The following CLEC16A variants were observed in gnomAD, a reference collection of about 807,000 sequenced individuals.
CLEC16A encodes the protein protein CLEC16A.
In CLEC16A, 51 loss-of-function variants were observed where a neutral mutation model predicts 109.5. That is an observed-to-expected ratio of 0.47 (90% confidence interval 0.37 to 0.59). CLEC16A has a LOEUF of 0.59. Among genes scored for constraint, CLEC16A ranks in the 20% least tolerant of loss-of-function variants. The pLI is 0.00. For synonymous variants in CLEC16A, 673 were observed against 564.2 expected, an observed-to-expected ratio of 1.19 and a Z score of -2.73; for missense variants, 1,339 against 1,394.0, an observed-to-expected ratio of 0.96 and a Z score of 0.63.
At chr16:10,964,028 G>C (rs2146147380) in intron 3 of CLEC16A, among the ~76,000 whole-genome samples, 1 of 152,376 alleles carries the variant, frequency 6.6e-6, no homozygotes, top group East Asian at 1.9e-4. Context: ...CTGCCCGCCA[G>C]AAGTGGGGGA....
chr16:10,985,216 A>ATAT (rs1320649141), intron 10 of CLEC16A, among the ~76,000 whole-genome samples: 63 of 117,084 alleles, frequency 5.4e-4, no homozygotes, highest in Middle Eastern at 9.3e-3. Context: ...AAAAAAAAAA[A>ATAT]AAAAATATAT....
chr16:11,083,580 G>A (rs377008155), intron 19 of CLEC16A, among the ~76,000 whole-genome samples: 4 of 152,298 alleles, frequency 2.6e-5, no homozygotes, highest in East Asian at 1.9e-4. Flanking sequence ...GGTCTCCTCC[G>A]AAGCTTCACC....
intron 2 of CLEC16A, among the ~76,000 whole-genome samples, chr16:10,960,340 G>A (rs180988960): frequency 6.6e-6 from 1 of 152,166 alleles, no homozygotes; most frequent in East Asian, 1.9e-4. Context: ...CATTGTTTTT[G>A]CCACCCTGAA....
chr16:11,125,347 G>C (rs536540031), intron 21 of CLEC16A, among the ~76,000 whole-genome samples: 2 of 151,928 alleles, frequency 1.3e-5, no homozygotes, highest in African/African-American at 4.8e-5. Flanking sequence ...CTGGCATGAA[G>C]GCCAAATACT....
At chr16:10,960,471 C>T (rs1228410337) in intron 2 of CLEC16A, among the ~76,000 whole-genome samples, 1 of 152,194 alleles carries the variant, frequency 6.6e-6, no homozygotes, top group Non-Finnish European at 1.5e-5. Flanking sequence ...TAAAGTTCCC[C>T]TCTCTTGCCA....
At chr16:11,156,942 CGGTAG>C in intron 22 of CLEC16A, 1 of 328,350 alleles carries the variant, frequency 3.0e-6, no homozygotes, top group Non-Finnish European at 5.7e-6. Context: ...CACCCCCTGC[CGGTAG>C]CAAAAGGGGC....
intron 22 of CLEC16A, among the ~76,000 whole-genome samples, chr16:11,148,402 A>G (rs1385890115): frequency 1.3e-5 from 2 of 152,194 alleles, no homozygotes; most frequent in Non-Finnish European, 2.9e-5. Flanking sequence ...GTCTGGAGGC[A>G]CTAGAACTTG....
At chr16:11,032,245 T>G (rs1017415073) in intron 13 of CLEC16A, among the ~76,000 whole-genome samples, 2 of 152,092 alleles carry the variant, frequency 1.3e-5, no homozygotes, top group Non-Finnish European at 2.9e-5. Flanking sequence ...AGGCAGCGGG[T>G]GCCCCAAGAG....
chr16:10,950,711 G>A (rs1044274273), intron 1 of CLEC16A, among the ~76,000 whole-genome samples: 2 of 152,212 alleles, frequency 1.3e-5, no homozygotes, highest in Non-Finnish European at 2.9e-5. Context: ...ACTGGGGAAC[G>A]TCTGCAGGGC....
intron 11 of CLEC16A, among the ~76,000 whole-genome samples, chr16:11,009,880 G>A (rs192605460): frequency 6.6e-6 from 1 of 152,242 alleles, no homozygotes; most frequent in Admixed American, 6.5e-5. Flanking sequence ...GTGGCCAGGC[G>A]CAGTGGCTCA....
intron 22 of CLEC16A, 198 bp downstream of exon 22, chr16:11,126,344 A>G (rs2052819165): frequency 2.0e-6 from 3 of 1,469,314 alleles, no homozygotes; most frequent in Non-Finnish European, 2.7e-6. Context: ...CTTTCCCTTT[A>G]GTGTTTGGTT....
chr16:11,101,556 C>T (rs2050916758), intron 19 of CLEC16A, among the ~76,000 whole-genome samples: 1 of 152,222 alleles, frequency 6.6e-6, no homozygotes. Context: ...AGCCTTTTAT[C>T]TTGTCTCTCC....
Position 11,182,145 on chromosome 16 carries a change from G to A in CLEC16A, c.*3455G>A, listed in dbSNP as rs199497423. 2 of 152,222 alleles carry A rather than the reference G, an allele frequency of 1.3e-5. No individual in the cohort carries two copies. Among genetic ancestry groups the A allele is most frequent in the Non-Finnish European group, 2.9e-5 (2 of 68,042 alleles). 9.4% of individuals were successfully genotyped at this position (152,222 alleles called of 1,614,324 possible). On this transcript the variant is annotated 3_prime_UTR_variant, in exon 24 of 24. Transcript: ENST00000409790. ...TGGAAATGAAAACTGGAACTTCCTTGTAAATTTAAACTTGGCAATAAAAGA... is the reference window on the plus strand; with the variant it reads ...TGGAAATGAAAACTGGAACTTCCTTATAAATTTAAACTTGGCAATAAAAGA...
intron 9 of CLEC16A, among the ~76,000 whole-genome samples, chr16:10,980,323 A>G (rs1301734117): frequency 6.6e-6 from 1 of 152,146 alleles, no homozygotes; most frequent in Non-Finnish European, 1.5e-5. Context: ...GCACGAGGCC[A>G]AGTTTGTCTG....
chr16:11,047,417 A>G, intron 17 of CLEC16A, 75 bp downstream of exon 17: 1 of 1,223,706 alleles, frequency 8.2e-7, no homozygotes, highest in Non-Finnish European at 1.1e-6. Context: ...CCCATCCCAG[A>G]GGGAGTTTTT....
intron 22 of CLEC16A, among the ~76,000 whole-genome samples, chr16:11,149,654 T>C (rs2054214998): frequency 6.6e-6 from 1 of 152,132 alleles, no homozygotes; most frequent in African/African-American, 2.4e-5. Flanking sequence ...CTGGGCATGA[T>C]GGTGCCCACC....
intron 19 of CLEC16A, among the ~76,000 whole-genome samples, chr16:11,109,878 A>C (rs1486136426): frequency 6.6e-6 from 1 of 152,252 alleles, no homozygotes; most frequent in Non-Finnish European, 1.5e-5. Context: ...GCCGTAGCCT[A>C]AAACAGGCTG....
intron 22 of CLEC16A, among the ~76,000 whole-genome samples, chr16:11,161,981 G>C (rs761348486): frequency 1.3e-5 from 2 of 152,192 alleles, no homozygotes; most frequent in Non-Finnish European, 2.9e-5. Flanking sequence ...AGAGGAGGAG[G>C]GGGGCATGTC....
At chr16:11,145,521 G>A (rs1026407636) in intron 22 of CLEC16A, among the ~76,000 whole-genome samples, 7 of 152,280 alleles carry the variant, frequency 4.6e-5, no homozygotes, top group Non-Finnish European at 4.4e-5. Flanking sequence ...CTGGGCAAAG[G>A]GCTGGGTAAC....
Sources: allele counts gnomAD v4.1 joint callset (sites outside exome capture counted in the v4.1 genomes callset), GRCh38; gene constraint gnomAD v4.1.1; transcripts MANE v1.5; gene names NCBI Gene and HGNC (gene_info 2026-07-23, HGNC 2026-07-21).